Variants in NAALADL2 observed in about 807,000 individuals in gnomAD.
The protein encoded by NAALADL2 is N-acetylated alpha-linked acidic dipeptidase like 2, also known as inactive N-acetylated-alpha-linked acidic dipeptidase-like protein 2.
A neutral mutation model predicts 87.2 loss-of-function variants in NAALADL2; 76 were observed. The observed-to-expected ratio is 0.87, with a 90% confidence interval of 0.72 to 1.05. NAALADL2 has a LOEUF of 1.05. Among genes scored for constraint, NAALADL2 ranks in the 50% least tolerant of loss-of-function variants. The pLI, the probability that NAALADL2 is intolerant of heterozygous loss-of-function variation, is 0.00. For synonymous variants in NAALADL2, 354 were observed against 331.0 expected (o/e 1.07, Z -0.75); for missense variants, 1,089 against 945.8 (o/e 1.15, Z -1.99).
At chr3:175,367,616 A>G (rs1049536617) in intron 5 of NAALADL2, among the ~76,000 whole-genome samples, 2 of 152,076 alleles carry the variant, frequency 1.3e-5, no homozygotes, top group Non-Finnish European at 2.9e-5. Context: ...ATTCTCTTTG[A>G]AGCAATTGTG....
chr3:175,455,041 G>C (rs1722114814), intron 6 of NAALADL2, among the ~76,000 whole-genome samples: 1 of 152,084 alleles, frequency 6.6e-6, no homozygotes, highest in Non-Finnish European at 1.5e-5. Context: ...CTGTAAACCT[G>C]AAAGGGCAAG....
At chr3:175,490,628 C>G (rs1002184647) in intron 9 of NAALADL2, among the ~76,000 whole-genome samples, 7 of 151,538 alleles carry the variant, frequency 4.6e-5, no homozygotes, top group African/African-American at 1.5e-4. Context: ...ATCTCCTGAC[C>G]TCGTGATCTG....
At chr3:175,162,222 C>G (rs1733335038) in intron 2 of NAALADL2, among the ~76,000 whole-genome samples, 1 of 152,038 alleles carries the variant, frequency 6.6e-6, no homozygotes, top group Admixed American at 6.6e-5. Context: ...ATTACCTATC[C>G]CCATCAATTA....
At chr3:175,073,965 A>G (rs77228218) in intron 1 of NAALADL2, among the ~76,000 whole-genome samples, 4,817 of 152,014 alleles carry the variant, frequency 0.032, 243 homozygotes, top group African/African-American at 0.11. Flanking sequence ...CTTTCCATGC[A>G]CCATCTCACA....
chr3:175,587,240 A>G (rs1278853705), intron 10 of NAALADL2, among the ~76,000 whole-genome samples: 1 of 128,136 alleles, frequency 7.8e-6, no homozygotes, highest in Non-Finnish European at 1.5e-5. Context: ...TTTTAATAAG[A>G]GTTAATTGCA....
intron 1 of NAALADL2, among the ~76,000 whole-genome samples, chr3:175,069,321 A>G (rs1223648362): frequency 2.0e-5 from 3 of 150,014 alleles, no homozygotes; most frequent in Admixed American, 1.3e-4. Flanking sequence ...ACAAGAAAAA[A>G]ACAAACAACC....
At chr3:175,180,119 T>C (rs973695435) in intron 2 of NAALADL2, among the ~76,000 whole-genome samples, 2 of 151,966 alleles carry the variant, frequency 1.3e-5, no homozygotes, top group Non-Finnish European at 2.9e-5. Flanking sequence ...ATTTAGCCTG[T>C]ACTTTAACAT....
At chr3:174,480,137 A>G (rs1004201442) in intron 1 of NAALADL2, among the ~76,000 whole-genome samples, 3 of 152,118 alleles carry the variant, frequency 2.0e-5, no homozygotes, top group Admixed American at 1.3e-4. Context: ...CACCTAAAAA[A>G]TAGCAAGGAA....
chr3:174,631,462 A>C (rs2108695523), intron 2 of NAALADL2, among the ~76,000 whole-genome samples: 1 of 152,282 alleles, frequency 6.6e-6, no homozygotes, highest in South Asian at 2.1e-4. Flanking sequence ...CAATGACAAA[A>C]TGCATTCTTC....
chr3:175,557,166 A>T (rs953492854), intron 9 of NAALADL2, among the ~76,000 whole-genome samples: 13 of 152,242 alleles, frequency 8.5e-5, no homozygotes, highest in African/African-American at 3.1e-4. Context: ...AACTCCTATA[A>T]AATATCCTAT....
chr3:175,037,124 G>A (rs1488161977), intron 1 of NAALADL2, among the ~76,000 whole-genome samples: 1 of 152,020 alleles, frequency 6.6e-6, no homozygotes, highest in Non-Finnish European at 1.5e-5. Flanking sequence ...AACGAAAAAA[G>A]CTACTTTTAG....
chr3:175,484,500 AATAAC>A (rs1456236800), intron 9 of NAALADL2, among the ~76,000 whole-genome samples: 9 of 152,150 alleles, frequency 5.9e-5, no homozygotes, highest in Non-Finnish European at 1.3e-4. Context: ...ATTCTAAGAA[AATAAC>A]ATAAGTCAAC....
chr3:174,921,603 C>T (rs925805341), intron 1 of NAALADL2, among the ~76,000 whole-genome samples: 3 of 151,816 alleles, frequency 2.0e-5, no homozygotes, highest in South Asian at 2.1e-4. Flanking sequence ...AGATCGAGAC[C>T]ATCCTGGCTA....
At chr3:174,647,724 C>G (rs1257296821) in intron 2 of NAALADL2, among the ~76,000 whole-genome samples, 1 of 152,170 alleles carries the variant, frequency 6.6e-6, no homozygotes, top group African/African-American at 2.4e-5. Flanking sequence ...ATCTATAACC[C>G]TAAGGAAGTA....
chr3:175,695,999 GTTA>G, intron 11 of NAALADL2, among the ~76,000 whole-genome samples: 1 of 152,210 alleles, frequency 6.6e-6, no homozygotes, highest in Admixed American at 6.5e-5. Context: ...TGCTGCTTTT[GTTA>G]TTCCTTGATC....
chr3:174,726,675 C>A (rs1732223857), intron 2 of NAALADL2, among the ~76,000 whole-genome samples: 1 of 151,676 alleles, frequency 6.6e-6, no homozygotes, highest in Admixed American at 6.6e-5. Flanking sequence ...TGTCTTATTC[C>A]TTCCTTCCTT....
intron 4 of NAALADL2, among the ~76,000 whole-genome samples, chr3:175,292,152 A>G (rs1359742608): frequency 6.6e-6 from 1 of 152,192 alleles, no homozygotes; most frequent in Non-Finnish European, 1.5e-5. Context: ...CATTTGAGTA[A>G]ATGCACCAGG....
At chr3:174,583,801 TGA>T (rs986693132) in intron 2 of NAALADL2, among the ~76,000 whole-genome samples, 3 of 152,136 alleles carry the variant, frequency 2.0e-5, no homozygotes, top group Non-Finnish European at 4.4e-5. Context: ...GAACATAGTC[TGA>T]GAGAAAAAAC....
At chr3:175,723,150 G>A (rs1742468539) in intron 11 of NAALADL2, among the ~76,000 whole-genome samples, 2 of 152,060 alleles carry the variant, frequency 1.3e-5, no homozygotes, top group African/African-American at 2.4e-5. Context: ...TGAGCAAGTC[G>A]CCTAAGAAAC....
Sources: allele counts gnomAD v4.1 joint callset (sites outside exome capture counted in the v4.1 genomes callset), GRCh38; gene constraint gnomAD v4.1.1; transcripts MANE v1.5; gene names NCBI Gene and HGNC (gene_info 2026-07-23, HGNC 2026-07-21).